Variants in MAP7 observed in about 807,000 individuals in gnomAD.
The protein encoded by MAP7 is ensconsin.
MAP7 carries 52 observed loss-of-function variants against 94.8 expected under a neutral mutation model. That is an observed-to-expected ratio of 0.55 (90% confidence interval 0.44 to 0.69). MAP7 has a LOEUF of 0.69. Among genes scored for constraint, MAP7 ranks in the 30% least tolerant of loss-of-function variants. The pLI is 0.00. For synonymous variants in MAP7, 350 were observed against 357.0 expected, an observed-to-expected ratio of 0.98 and a Z score of 0.22; for missense variants, 940 against 964.6, an observed-to-expected ratio of 0.97 and a Z score of 0.34.
chr6:136,361,714 T>C (rs917841981), intron 11 of MAP7, among the ~76,000 whole-genome samples: 1 of 152,224 alleles, frequency 6.6e-6, no homozygotes, highest in Non-Finnish European at 1.5e-5. Flanking sequence ...ACATTCGTCT[T>C]ATTAGGCCCA....
intron 1 of MAP7, among the ~76,000 whole-genome samples, chr6:136,441,170 T>C (rs1317254994): frequency 1.3e-5 from 2 of 152,240 alleles, no homozygotes; most frequent in African/African-American, 4.8e-5. Flanking sequence ...GAGAGATCTC[T>C]TCCGCATGCT....
chr6:136,411,799 A>C (rs2128742189), intron 2 of MAP7, 102 bp from the exon 3 acceptor site: 1 of 905,450 alleles, frequency 1.1e-6, no homozygotes, highest in Middle Eastern at 3.4e-4. Flanking sequence ...TCTGAAGAAT[A>C]ATATATTGCT....
At chr6:136,440,116 A>G (rs1041123279) in intron 1 of MAP7, among the ~76,000 whole-genome samples, 1 of 152,222 alleles carries the variant, frequency 6.6e-6, no homozygotes, top group Non-Finnish European at 1.5e-5. Flanking sequence ...AGAATTCTGT[A>G]GCATGATCAC....
intron 1 of MAP7, among the ~76,000 whole-genome samples, chr6:136,459,474 A>G (rs1804464966): frequency 6.6e-6 from 1 of 152,198 alleles, no homozygotes; most frequent in African/African-American, 2.4e-5. Context: ...TTACTGCAGC[A>G]TTATGTACAA....
intron 16 of MAP7, among the ~76,000 whole-genome samples, chr6:136,346,953 A>G (rs1251127659): frequency 6.6e-6 from 1 of 152,218 alleles, no homozygotes; most frequent in Admixed American, 6.5e-5. Flanking sequence ...TAAATTTTTG[A>G]AGACCGATCT....
At chr6:136,456,816 GAAGAAGGAA>G (rs1424004713) in intron 1 of MAP7, among the ~76,000 whole-genome samples, 1 of 88,208 alleles carries the variant, frequency 1.1e-5, no homozygotes, top group African/African-American at 4.2e-5. Flanking sequence ...AGAAGAAGAA[GAAGAAGGAA>G]GAAGAAGAAG....
intron 9 of MAP7, 139 bp downstream of exon 9, chr6:136,366,188 T>G (rs1794276960): frequency 1.9e-6 from 2 of 1,038,454 alleles, no homozygotes; most frequent in Admixed American, 5.5e-5. Context: ...CCAATTTCTC[T>G]TTTTTCTTTC....
intron 3 of MAP7, among the ~76,000 whole-genome samples, chr6:136,410,204 C>T (rs1389410648): frequency 1.3e-5 from 2 of 152,152 alleles, no homozygotes; most frequent in Admixed American, 1.3e-4. Context: ...TCCTTCTATT[C>T]AAGCAGATAT....
At chr6:136,454,989 AC>A (rs2128892986) in intron 1 of MAP7, among the ~76,000 whole-genome samples, 1 of 152,240 alleles carries the variant, frequency 6.6e-6, no homozygotes, top group East Asian at 1.9e-4. Context: ...ACACTAGGAG[AC>A]AAAAATTGCC....
intron 1 of MAP7, among the ~76,000 whole-genome samples, chr6:136,469,915 G>A (rs138780007): frequency 0.012 from 1,885 of 152,184 alleles, 18 homozygotes; most frequent in Non-Finnish European, 0.02. Flanking sequence ...AGAGGAGTTC[G>A]GGGAGAACTC....
At chr6:136,486,637 A>G (rs1273198805) in intron 1 of MAP7, among the ~76,000 whole-genome samples, 1 of 152,174 alleles carries the variant, frequency 6.6e-6, no homozygotes, top group African/African-American at 2.4e-5. Context: ...AGCTGGCTTA[A>G]TCCTGCCCTA....
intron 1 of MAP7, among the ~76,000 whole-genome samples, chr6:136,460,801 AT>A (rs201139162): frequency 4.8e-4 from 71 of 148,636 alleles, no homozygotes; most frequent in African/African-American, 1.4e-3. Context: ...GCATCTGAAG[AT>A]TTTTTTTTTT....
chr6:136,454,195 A>G (rs1802035423), intron 1 of MAP7, among the ~76,000 whole-genome samples: 2 of 152,184 alleles, frequency 1.3e-5, no homozygotes, highest in Admixed American at 1.3e-4. Context: ...TTCATTCATC[A>G]TTGGACCTAT....
chr6:136,392,388 C>CTTTTTTT (rs11347286), intron 3 of MAP7, among the ~76,000 whole-genome samples: 5 of 102,602 alleles, frequency 4.9e-5, no homozygotes, highest in Admixed American at 2.1e-4. Context: ...CTGCATCTTG[C>CTTTTTTT]TTTTTTTTTT....
chr6:136,374,077 C>G (rs948354596), intron 7 of MAP7, among the ~76,000 whole-genome samples: 32 of 152,330 alleles, frequency 2.1e-4, no homozygotes, highest in African/African-American at 7.7e-4. Context: ...GGAAACCGGT[C>G]TCTTTTCCCA....
intron 3 of MAP7, among the ~76,000 whole-genome samples, chr6:136,393,963 C>G (rs1781538614): frequency 6.8e-6 from 1 of 146,574 alleles, no homozygotes; most frequent in Non-Finnish European, 1.5e-5. Flanking sequence ...GTTCTGATAT[C>G]TCTGCAGCAA....
intron 3 of MAP7, among the ~76,000 whole-genome samples, chr6:136,390,879 A>G (rs1780509564): frequency 1.3e-5 from 2 of 152,168 alleles, no homozygotes; most frequent in Non-Finnish European, 2.9e-5. Flanking sequence ...TCCTGGCATC[A>G]TTCAGGGTGG....
intron 1 of MAP7, among the ~76,000 whole-genome samples, chr6:136,442,262 G>A (rs1262897576): frequency 2.0e-5 from 3 of 151,456 alleles, no homozygotes; most frequent in Non-Finnish European, 2.9e-5. Context: ...AAAATTAGCC[G>A]GACATGGTGG....
intron 17 of MAP7, 117 bp from the exon 18 acceptor site, chr6:136,344,355 T>C: frequency 2.5e-6 from 1 of 392,866 alleles, no homozygotes; most frequent in Non-Finnish European, 4.5e-6. Context: ...TTATATACAC[T>C]TATATAAGAA....
Sources: gnomAD v4.1 joint callset for allele counts (sites outside exome capture counted in the v4.1 genomes callset) on GRCh38, gnomAD v4.1.1 for gene constraint, MANE v1.5 for transcripts, NCBI Gene and HGNC (gene_info 2026-07-23, HGNC 2026-07-21) for gene names.